Variants in CHN1 observed in about 807,000 individuals in gnomAD.
CHN1 encodes the protein chimerin 1, also known as N-chimaerin.
In CHN1, 37 loss-of-function variants were observed where a neutral mutation model predicts 59.5. The ratio of observed to expected loss-of-function variants is 0.62; its 90% CI spans 0.48 to 0.82. CHN1 has a LOEUF of 0.82. Among genes scored for constraint, CHN1 ranks in the 40% least tolerant of loss-of-function variants. The pLI is 0.00. For missense variants in CHN1, 469 were observed against 571.0 expected, an observed-to-expected ratio of 0.82 and a Z score of 1.82; for synonymous variants, 206 against 200.4, an observed-to-expected ratio of 1.03 and a Z score of -0.24.
intron 1 of CHN1, among the ~76,000 whole-genome samples, chr2:174,960,189 C>A (rs1421880562): frequency 6.6e-6 from 1 of 152,040 alleles, no homozygotes; most frequent in African/African-American, 2.4e-5. Context: ...ACCTTTAGAC[C>A]CAGCAGTTCT....
intron 5 of CHN1, among the ~76,000 whole-genome samples, chr2:174,898,204 G>C (rs1374545481): frequency 6.6e-6 from 1 of 152,126 alleles, no homozygotes; most frequent in African/African-American, 2.4e-5. Context: ...CAACAAAATG[G>C]AACTAGTCAG....
At position 174,951,885 on chromosome 2, in the gene CHN1, C is replaced by T. The variant is rs553464097; in HGVS notation, c.58+279G>A. ...AATTCTCAGTGTCTCCTTGTATTAGCTTCATTAGCCACTCTGAACAAGTGG... is the reference window on the plus strand; with the variant it reads ...AATTCTCAGTGTCTCCTTGTATTAGTTTCATTAGCCACTCTGAACAAGTGG... On this transcript the variant is annotated intron_variant, in intron 2 of 12. Coordinates refer to ENST00000409900, the MANE Select transcript of CHN1 (RefSeq NM_001822.7). 5.3e-5 allele frequency among the ~76,000 whole-genome samples: 8 copies of T among 152,250 alleles called. No homozygotes were observed. The East Asian group carries it at 1.4e-3, about 26-fold the overall frequency.
intron 3 of CHN1, among the ~76,000 whole-genome samples, chr2:174,919,596 T>C (rs1213564782): frequency 6.6e-6 from 1 of 152,182 alleles, no homozygotes; most frequent in African/African-American, 2.4e-5. Context: ...ATTATCATCC[T>C]CACTTTATTT....
At chr2:175,003,458 T>C (rs900212288) in intron 1 of CHN1, among the ~76,000 whole-genome samples, 2 of 152,236 alleles carry the variant, frequency 1.3e-5, no homozygotes, top group African/African-American at 4.8e-5. Flanking sequence ...TTATCTTTTT[T>C]ATTCGTCAGG....
At chr2:174,962,790 A>G (rs1455891332) in intron 1 of CHN1, among the ~76,000 whole-genome samples, 1 of 151,212 alleles carries the variant, frequency 6.6e-6, no homozygotes, top group East Asian at 2.0e-4. Context: ...TGCATCTGTA[A>G]TCCCTGCTAC....
intron 3 of CHN1, among the ~76,000 whole-genome samples, chr2:174,938,764 G>A (rs1574188759): frequency 1.3e-5 from 2 of 152,036 alleles, no homozygotes; most frequent in African/African-American, 4.8e-5. Context: ...TGTACAAGGA[G>A]AGCCAGTCAC....
intron 1 of CHN1, among the ~76,000 whole-genome samples, chr2:174,958,729 C>G (rs553171540): frequency 4.4e-4 from 67 of 152,168 alleles, no homozygotes; most frequent in Non-Finnish European, 8.2e-4. Context: ...GGAATAGTAA[C>G]AACATAGGTT....
intron 3 of CHN1, among the ~76,000 whole-genome samples, chr2:174,924,711 T>C (rs957664188): frequency 1.3e-5 from 2 of 152,206 alleles, no homozygotes; most frequent in Non-Finnish European, 2.9e-5. Flanking sequence ...ATTTGTAATA[T>C]AAAAATGATT....
chr2:174,988,744 C>T (rs975108851), intron 1 of CHN1, among the ~76,000 whole-genome samples: 1 of 152,044 alleles, frequency 6.6e-6, no homozygotes, highest in African/African-American at 2.4e-5. Flanking sequence ...TGAAATATAC[C>T]AGTTCATCTC....
intron 2 of CHN1, among the ~76,000 whole-genome samples, chr2:174,947,477 T>C (rs962859474): frequency 6.6e-6 from 1 of 151,306 alleles, no homozygotes; most frequent in Admixed American, 6.6e-5. Context: ...TAAGACTCTT[T>C]TTTTTTTTAA....
intron 6 of CHN1, among the ~76,000 whole-genome samples, chr2:174,850,545 C>T (rs984291410): frequency 3.3e-5 from 5 of 152,108 alleles, no homozygotes; most frequent in African/African-American, 7.2e-5. Flanking sequence ...AGATTATCTG[C>T]AGGGAGTAAC....
chr2:174,935,721 T>C (rs1225394242), intron 3 of CHN1, among the ~76,000 whole-genome samples: 1 of 150,872 alleles, frequency 6.6e-6, no homozygotes, highest in Non-Finnish European at 1.5e-5. Flanking sequence ...AGCCCAGGAG[T>C]TCAAGACAAG....
At position 174,799,861 on chromosome 2, in the gene CHN1, G is replaced by A; in HGVS notation, c.*255C>T. The A allele has an allele frequency of 1.7e-6, 1 of 593,950 alleles. No homozygotes were observed. The highest frequency in any genetic ancestry group is 3.2e-6 in the Non-Finnish European group (1 of 316,992). The allele number at this position is 593,950 out of a possible 1,614,324, so 36.8% of individuals were successfully genotyped here. A position where few individuals can be genotyped will look rare whatever the true frequency, so the allele number is the denominator to read the frequency against. The stretch of plus-strand genomic sequence containing the variant: ...TGTATGGGGTTTCCTTGCCAGATAG[G>A]GGGCTAATCATGCAATAGCTTGAGT... On this transcript the variant is annotated 3_prime_UTR_variant, in exon 13 of 13. Transcript: ENST00000409900.
chr2:174,926,739 T>C (rs1574173462), intron 3 of CHN1, among the ~76,000 whole-genome samples: 1 of 152,068 alleles, frequency 6.6e-6, no homozygotes, highest in African/African-American at 2.4e-5. Flanking sequence ...AATGCAACCA[T>C]TTGTCTCTTA....
At chr2:175,004,387 T>G (rs865802720) in intron 1 of CHN1, among the ~76,000 whole-genome samples, 1 of 152,168 alleles carries the variant, frequency 6.6e-6, no homozygotes, top group African/African-American at 2.4e-5. Flanking sequence ...TTTTAACCCA[T>G]ATTCAGTTCA....
At chr2:174,885,699 G>A (rs1687875622) in intron 5 of CHN1, among the ~76,000 whole-genome samples, 1 of 151,990 alleles carries the variant, frequency 6.6e-6, no homozygotes, top group Non-Finnish European at 1.5e-5. Context: ...TTGAACTCCT[G>A]GCTTCGTGTG....
intron 6 of CHN1, among the ~76,000 whole-genome samples, chr2:174,869,315 TGAGA>T (rs1448072824): frequency 6.6e-6 from 1 of 152,188 alleles, no homozygotes; most frequent in African/African-American, 2.4e-5. Context: ...AAAAATGACC[TGAGA>T]AAGTTTACAT....
At chr2:174,966,913 T>C (rs991862352) in intron 1 of CHN1, among the ~76,000 whole-genome samples, 1 of 152,174 alleles carries the variant, frequency 6.6e-6, no homozygotes, top group South Asian at 2.1e-4. Context: ...TGGTTCCCAT[T>C]TGGATTTTGT....
intron 6 of CHN1, among the ~76,000 whole-genome samples, chr2:174,857,150 T>G (rs1021621984): frequency 6.6e-6 from 1 of 152,176 alleles, no homozygotes; most frequent in Non-Finnish European, 1.5e-5. Flanking sequence ...TTGGTGGGAA[T>G]GGAATTGGAG....
Sources: gnomAD v4.1 joint callset for allele counts (sites outside exome capture counted in the v4.1 genomes callset) on GRCh38, gnomAD v4.1.1 for gene constraint, MANE v1.5 for transcripts, NCBI Gene and HGNC (gene_info 2026-07-23, HGNC 2026-07-21) for gene names.